ENTREP2: variants seen among roughly 807,000 people sequenced by gnomAD.
ENTREP2 encodes endosomal transmembrane epsin interactor 2.
the ENTREP2 span, among the ~76,000 whole-genome samples, chr15:29,424,364 T>C: frequency 6.6e-6 from 1 of 152,166 alleles, no homozygotes; most frequent in Non-Finnish European, 1.5e-5. Flanking sequence ...AGAGTGCTGA[T>C]TGGTCCCTTT....
the ENTREP2 span, among the ~76,000 whole-genome samples, chr15:29,270,177 A>G: frequency 6.6e-6 from 1 of 152,106 alleles, no homozygotes; most frequent in African/African-American, 2.4e-5. Flanking sequence ...AAGTAAAAAC[A>G]TTTATTTCTA....
chr15:29,568,387 G>A, the ENTREP2 span, among the ~76,000 whole-genome samples: 1 of 152,258 alleles, frequency 6.6e-6, no homozygotes, highest in East Asian at 1.9e-4. Flanking sequence ...AGAATCATAG[G>A]AAGCTAGAAC....
the ENTREP2 span, among the ~76,000 whole-genome samples, chr15:29,664,063 C>T: frequency 1.3e-5 from 2 of 151,936 alleles, no homozygotes; most frequent in Non-Finnish European, 2.9e-5. Flanking sequence ...GGGTATGAAG[C>T]CTCATATTTT....
At chr15:29,493,412 C>A in the ENTREP2 span, among the ~76,000 whole-genome samples, 3 of 151,736 alleles carry the variant, frequency 2.0e-5, no homozygotes. Flanking sequence ...GGATTACAGG[C>A]GTGAGCCACC....
the ENTREP2 span, among the ~76,000 whole-genome samples, chr15:29,492,214 C>A: frequency 6.6e-6 from 1 of 152,246 alleles, no homozygotes; most frequent in East Asian, 1.9e-4. Flanking sequence ...AGTTTAATCA[C>A]CTGTATAAAA....
the ENTREP2 span, among the ~76,000 whole-genome samples, chr15:29,473,133 C>A: frequency 6.6e-6 from 1 of 152,152 alleles, no homozygotes. Context: ...GTTTTTCCAG[C>A]AATCTCACTT....
the ENTREP2 span, among the ~76,000 whole-genome samples, chr15:29,217,349 G>A: frequency 6.6e-6 from 1 of 152,180 alleles, no homozygotes; most frequent in South Asian, 2.1e-4. Flanking sequence ...ACAAGGCTAG[G>A]TGATTAAAGG....
the ENTREP2 span, among the ~76,000 whole-genome samples, chr15:29,192,119 T>C: frequency 6.6e-6 from 1 of 152,138 alleles, no homozygotes; most frequent in Admixed American, 6.5e-5. Flanking sequence ...TTTGCTTACA[T>C]GGCCCCCAGC....
chr15:29,332,940 C>T, the ENTREP2 span, among the ~76,000 whole-genome samples: 1 of 85,564 alleles, frequency 1.2e-5, no homozygotes, highest in African/African-American at 4.6e-5. Context: ...GCCTGGGTAA[C>T]AAAAGCGAAA....
the ENTREP2 span, chr15:29,118,464 A>G: frequency 6.6e-6 from 1 of 152,376 alleles, no homozygotes; most frequent in African/African-American, 2.4e-5. Flanking sequence ...GGAAGCTGTC[A>G]CTAATGAGTT....
chr15:29,178,765 A>G, the ENTREP2 span, among the ~76,000 whole-genome samples: 1 of 152,146 alleles, frequency 6.6e-6, no homozygotes. Flanking sequence ...CTTTTTGAAT[A>G]AATCTTCTCC....
chr15:29,269,000 G>A, the ENTREP2 span: 1 of 1,614,090 alleles, frequency 6.2e-7, no homozygotes, highest in Non-Finnish European at 8.5e-7. Flanking sequence ...GGTATCCGCC[G>A]GTATTCCAGG....
chr15:29,128,097 C>T, the ENTREP2 span, among the ~76,000 whole-genome samples: 1 of 152,200 alleles, frequency 6.6e-6, no homozygotes, highest in African/African-American at 2.4e-5. Context: ...ATCATCCTGG[C>T]CCTCTGTGGG....
chr15:29,123,483 C>A, the ENTREP2 span: 1 of 1,551,698 alleles, frequency 6.4e-7, no homozygotes, highest in Non-Finnish European at 8.7e-7. Context: ...ACTTGGCCAC[C>A]AAAACCCTGG....
At chr15:29,420,601 G>T in the ENTREP2 span, among the ~76,000 whole-genome samples, 1 of 152,170 alleles carries the variant, frequency 6.6e-6, no homozygotes, top group Non-Finnish European at 1.5e-5. Context: ...ATTTGAGTTT[G>T]GTACCAGTGG....
chr15:29,386,336 C>A, the ENTREP2 span, among the ~76,000 whole-genome samples: 1 of 152,202 alleles, frequency 6.6e-6, no homozygotes, highest in African/African-American at 2.4e-5. Context: ...GAGATGGAGC[C>A]CCAAAACACT....
chr15:29,407,062 A>T, the ENTREP2 span, among the ~76,000 whole-genome samples: 1 of 152,208 alleles, frequency 6.6e-6, no homozygotes, highest in East Asian at 1.9e-4. Context: ...CAACGGAGCT[A>T]TGTTCTGAGA....
the ENTREP2 span, among the ~76,000 whole-genome samples, chr15:29,166,411 C>T: frequency 6.6e-6 from 1 of 152,164 alleles, no homozygotes; most frequent in East Asian, 1.9e-4. Flanking sequence ...TGATCATTTA[C>T]CTTGAAAACC....
At chr15:29,359,625 A>C in the ENTREP2 span, among the ~76,000 whole-genome samples, 5 of 152,114 alleles carry the variant, frequency 3.3e-5, no homozygotes, top group Non-Finnish European at 7.4e-5. Context: ...GTTGGCCAGG[A>C]TGGTCTTGAT....
Sources: gnomAD v4.1 joint callset for allele counts (sites outside exome capture counted in the v4.1 genomes callset) on GRCh38, gnomAD v4.1.1 for gene constraint, MANE v1.5 for transcripts, NCBI Gene and HGNC (gene_info 2026-07-23, HGNC 2026-07-21) for gene names.